OSTM1: variants seen among roughly 807,000 people sequenced by gnomAD.
OSTM1 encodes osteoclastogenesis associated transmembrane protein 1, also known as osteopetrosis-associated transmembrane protein 1.
OSTM1 carries 26 observed loss-of-function variants against 35.4 expected under a neutral mutation model. The ratio of observed to expected loss-of-function variants is 0.73; its 90% CI spans 0.54 to 1.02. The LOEUF (loss-of-function observed/expected upper bound fraction) is 1.02. OSTM1 is among the 50% of genes least tolerant of loss of function. The pLI is 0.00. For synonymous variants in OSTM1, 181 were observed against 165.0 expected (o/e 1.10, Z -0.75); for missense variants, 366 against 409.6 (o/e 0.89, Z 0.92).
intron 2 of OSTM1, among the ~76,000 whole-genome samples, chr6:108,063,369 T>C (rs994872474): frequency 5.3e-5 from 8 of 152,172 alleles, no homozygotes; most frequent in African/African-American, 1.9e-4. Context: ...GTTCAAAAGG[T>C]AGCTCCTCCA....
chr6:108,053,549 C>T (rs574683803), intron 3 of OSTM1, among the ~76,000 whole-genome samples: 7 of 152,258 alleles, frequency 4.6e-5, no homozygotes, highest in Admixed American at 1.3e-4. Flanking sequence ...CTCTCTGCAA[C>T]GCCCAGGCTG....
At position 108,046,168 on chromosome 6, in the gene OSTM1, ATTTTTT is replaced by A. The variant is rs750495431; in HGVS notation, c.950-1334_950-1329del. Among the ~76,000 whole-genome samples, 140 of 93,456 alleles carry A rather than the reference ATTTTTT, an allele frequency of 1.5e-3. 6 individuals are homozygous for A. Among genetic ancestry groups the A allele is most frequent in the East Asian group, 1.0e-3 (3 of 2,964 alleles). The allele number at this position is 93,456 out of a possible 152,430, so 61.3% of individuals were successfully genotyped here. A position where few individuals can be genotyped will look rare whatever the true frequency, so the allele number is the denominator to read the frequency against. ...AGGTGCCCACCACCACGCCCAGCTA[ATTTTTT>A]TTTTTTTTTTTTTTTTTTGGTATTT... On this transcript the variant is annotated intron_variant, in intron 5 of 5. Transcript: ENST00000193322.
At chr6:108,052,652 A>C (rs1772097527) in intron 3 of OSTM1, among the ~76,000 whole-genome samples, 1 of 151,842 alleles carries the variant, frequency 6.6e-6, no homozygotes, top group South Asian at 2.1e-4. Context: ...CCTGGCCACA[A>C]TTTTTATTCA....
chr6:108,074,386 A>G lies in OSTM1; in HGVS notation c.266T>C (p.Leu89Pro). ...CTCTGCGCTGCTGTTGGCGAAGTCCAGCAGGAGCTCCCGGCACTCAGGATC... is the reference window on the plus strand; with the variant it reads ...CTCTGCGCTGCTGTTGGCGAAGTCCGGCAGGAGCTCCCGGCACTCAGGATC... ...DLDPECRELL[L>P]DFANSSAELT... The change falls in exon 1 of 6, where the codon CTG (leucine) becomes CCG (proline). Residue 89 changes from leucine (L) to proline (P), a missense_variant. Leu to Pro is a moderately conservative substitution (Grantham distance 98). Transcript: ENST00000193322. 1 of 1,585,312 alleles carries G rather than the reference A, an allele frequency of 6.3e-7. No individual in the cohort carries two copies. Among genetic ancestry groups the G allele is most frequent in the East Asian group, 2.3e-5 (1 of 43,998 alleles).
chr6:108,056,760 G>A (rs775316958), intron 2 of OSTM1, among the ~76,000 whole-genome samples: 2 of 152,132 alleles, frequency 1.3e-5, no homozygotes, highest in Non-Finnish European at 2.9e-5. Context: ...TATTTCAGGA[G>A]TTGTCCCCTC....
At chr6:108,069,293 T>G (rs1562376695) in intron 1 of OSTM1, among the ~76,000 whole-genome samples, 1 of 152,236 alleles carries the variant, frequency 6.6e-6, no homozygotes, top group Non-Finnish European at 1.5e-5. Flanking sequence ...TTTTTTTGAA[T>G]GAATGCAGAA....
At chr6:108,068,376 T>C (rs1309877875) in intron 1 of OSTM1, among the ~76,000 whole-genome samples, 2 of 152,206 alleles carry the variant, frequency 1.3e-5, no homozygotes, top group Non-Finnish European at 2.9e-5. Flanking sequence ...GCAATCAATA[T>C]ATCCACTTAG....
At chr6:108,057,135 G>T (rs1389955652) in intron 2 of OSTM1, among the ~76,000 whole-genome samples, 2 of 152,082 alleles carry the variant, frequency 1.3e-5, no homozygotes, top group Non-Finnish European at 2.9e-5. Context: ...GGCTGAGAGG[G>T]GAGAATTGCT....
chr6:108,048,308 A>G (rs988976505), intron 5 of OSTM1, among the ~76,000 whole-genome samples: 2 of 152,238 alleles, frequency 1.3e-5, no homozygotes, highest in African/African-American at 4.8e-5. Context: ...TCTTTTTTAA[A>G]AACTAAAATT....
intron 3 of OSTM1, among the ~76,000 whole-genome samples, chr6:108,052,967 C>CA (rs1160319443): frequency 3.3e-5 from 5 of 152,226 alleles, no homozygotes; most frequent in African/African-American, 4.8e-5. Context: ...CCAATGAACT[C>CA]AGTTTCCAAG....
chr6:108,042,793 A>G lies in OSTM1; in HGVS notation c.*1992T>C, dbSNP rs959855718. The G allele has an allele frequency of 2.6e-5, 4 of 152,210 alleles. No individual in the cohort carries two copies. Among genetic ancestry groups the G allele is most frequent in the African/African-American group, 9.6e-5 (4 of 41,454 alleles). 9.4% of individuals were successfully genotyped at this position (152,210 alleles called of 1,614,324 possible). ...TTAAATTACATCTGAAATTTTAAAAATGTATTTAAAAATCCAAATAAAGCT... is the reference window on the plus strand; with the variant it reads ...TTAAATTACATCTGAAATTTTAAAAGTGTATTTAAAAATCCAAATAAAGCT... On this transcript the variant is annotated 3_prime_UTR_variant, in exon 6 of 6. Coordinates refer to ENST00000193322, the MANE Select transcript of OSTM1 (RefSeq NM_014028.4).
chr6:108,064,706 TA>T (rs1772347252), intron 1 of OSTM1, among the ~76,000 whole-genome samples: 2 of 152,224 alleles, frequency 1.3e-5, no homozygotes, highest in Non-Finnish European at 2.9e-5. Context: ...CAAAGTTATT[TA>T]ACTCCTACTA....
chr6:108,062,867 T>C (rs1273962368), intron 2 of OSTM1, among the ~76,000 whole-genome samples: 3 of 152,070 alleles, frequency 2.0e-5, no homozygotes, highest in African/African-American at 7.2e-5. Flanking sequence ...TTCTAAGCAG[T>C]ATAAAAAATG....
chr6:108,049,964 C>T (rs1364349447), intron 4 of OSTM1, among the ~76,000 whole-genome samples: 1 of 152,172 alleles, frequency 6.6e-6, no homozygotes, highest in Admixed American at 6.5e-5. Flanking sequence ...ACCTCAAGTT[C>T]TCTACTTTGA....
At chr6:108,047,291 G>C (rs907152700) in intron 5 of OSTM1, among the ~76,000 whole-genome samples, 2 of 152,142 alleles carry the variant, frequency 1.3e-5, no homozygotes, top group Admixed American at 1.3e-4. Context: ...TTGGAAAAGG[G>C]GCAGTGTGAA....
At chr6:108,064,607 T>C (rs1355460270) in intron 1 of OSTM1, among the ~76,000 whole-genome samples, 1 of 152,192 alleles carries the variant, frequency 6.6e-6, no homozygotes, top group Non-Finnish European at 1.5e-5. Flanking sequence ...AAATAATAAA[T>C]CCAAGTTCCC....
intron 3 of OSTM1, among the ~76,000 whole-genome samples, chr6:108,053,461 C>T (rs1772117163): frequency 3.9e-5 from 6 of 152,206 alleles, no homozygotes. Flanking sequence ...TCTGATAGGA[C>T]ATCTATTAAC....
intron 5 of OSTM1, among the ~76,000 whole-genome samples, chr6:108,046,064 C>G (rs1453929758): frequency 6.6e-6 from 1 of 151,630 alleles, no homozygotes; most frequent in South Asian, 2.1e-4. Context: ...TGCAATGGCT[C>G]GAACTTGGCT....
At chr6:108,051,010 C>T in intron 4 of OSTM1, 21 bp downstream of exon 4, 1 of 1,585,362 alleles carries the variant, frequency 6.3e-7, no homozygotes, top group African/African-American at 1.3e-5. Flanking sequence ...ATATGTATCA[C>T]ATCAGAAGCA....
Sources: allele counts gnomAD v4.1 joint callset (sites outside exome capture counted in the v4.1 genomes callset), GRCh38; gene constraint gnomAD v4.1.1; transcripts MANE v1.5; gene names NCBI Gene and HGNC (gene_info 2026-07-23, HGNC 2026-07-21).